Variants in CCDC146 observed in about 807,000 individuals in gnomAD.
CCDC146 encodes the protein coiled-coil domain containing 146.
A neutral mutation model predicts 119.3 loss-of-function variants in CCDC146; 92 were observed. The ratio of observed to expected loss-of-function variants is 0.77; its 90% confidence interval spans 0.65 to 0.92. CCDC146 has a LOEUF of 0.92. Among genes scored for constraint, CCDC146 ranks in the 40% least tolerant of loss-of-function variants. The pLI is 0.00. For missense variants in CCDC146, 1,000 were observed against 1,103.0 expected (o/e 0.91, Z 1.32); for synonymous variants, 372 against 371.8 (o/e 1.00, Z -0.01).
At chr7:77,145,858 T>G (rs1791008973) in intron 1 of CCDC146, among the ~76,000 whole-genome samples, 1 of 152,176 alleles carries the variant, frequency 6.6e-6, no homozygotes, top group Non-Finnish European at 1.5e-5. Context: ...AATTTTGGAA[T>G]AAGTGTGATG....
chr7:77,241,737 A>G lies in CCDC146; in HGVS notation c.286A>G (p.Thr96Ala). The change falls in exon 4 of 19, where the codon ACT becomes GCT. Residue 96 changes from threonine to alanine, a missense_variant. Physicochemically the swap from Thr to Ala is moderately conservative, Grantham distance 58 (BLOSUM62 0). Transcript: ENST00000285871. ...VQLLQNAKRF[T>A]EQIQQQQFHL... ...ACTGCTACAGAATGCCAAACGTTTC[A>G]CTGAGCAAATACAACAGCAGCAGTT... The G allele has an allele frequency of 1.2e-6, 2 of 1,614,018 alleles. No homozygotes were observed. Among genetic ancestry groups the G allele is most frequent in the South Asian group, 2.2e-5 (2 of 91,078 alleles).
At chr7:77,211,867 C>G (rs927062974) in intron 2 of CCDC146, among the ~76,000 whole-genome samples, 1 of 152,100 alleles carries the variant, frequency 6.6e-6, no homozygotes, top group Admixed American at 6.5e-5. Context: ...CGGCCCACCC[C>G]AGCCTCTCAA....
chr7:77,221,139 T>G (rs560226217), intron 2 of CCDC146, among the ~76,000 whole-genome samples: 3 of 152,184 alleles, frequency 2.0e-5, no homozygotes, highest in African/African-American at 7.2e-5. Flanking sequence ...AAGGGGATAG[T>G]GCTATACCAT....
chr7:77,142,822 C>T (rs1433388476), intron 1 of CCDC146, among the ~76,000 whole-genome samples: 6 of 151,752 alleles, frequency 4.0e-5, no homozygotes. Flanking sequence ...CATTGTTGGA[C>T]ATTTGGGTTG....
rs1791864164 is a variant in CCDC146 at position 77,196,129 on chromosome 7, C to T, written c.156+28305C>T. 1.6e-6 allele frequency: 1 copy of T among 611,480 alleles called. No homozygotes were observed. Among genetic ancestry groups the T allele is most frequent in the South Asian group, 2.3e-5 (1 of 43,398 alleles). 37.9% of individuals were successfully genotyped at this position (611,480 alleles called of 1,614,324 possible). A position where few individuals can be genotyped will look rare whatever the true frequency, so the allele number is the denominator to read the frequency against. On this transcript the variant is annotated intron_variant, in intron 2 of 18. Transcript: ENST00000285871. The surrounding 1 kb of genome is among the most constrained non-coding windows in gnomAD (Gnocchi z 4.2). ...TCCTTTAAAATGCATTGTTTTTCAG[C>T]TTTATTTCAAATGCTGTGTAGCATA...
chr7:77,186,495 G>T (rs1791668469), intron 2 of CCDC146, among the ~76,000 whole-genome samples: 1 of 152,014 alleles, frequency 6.6e-6, no homozygotes, highest in Non-Finnish European at 1.5e-5. Flanking sequence ...GGCTGGAAAG[G>T]GTAGTGGGGA....
At chr7:77,292,274 A>G (rs1793958954) in intron 17 of CCDC146, among the ~76,000 whole-genome samples, 4 of 151,288 alleles carry the variant, frequency 2.6e-5, no homozygotes, top group South Asian at 2.1e-4. Flanking sequence ...AGTGTGAGCA[A>G]CAGAACAAGA....
intron 2 of CCDC146, among the ~76,000 whole-genome samples, chr7:77,208,964 G>A (rs911713404): frequency 1.3e-5 from 2 of 152,212 alleles, no homozygotes; most frequent in African/African-American, 4.8e-5. Flanking sequence ...CTCCCAAAGT[G>A]CTGGGATTAC....
chr7:77,278,277 C>A (rs1260122562), intron 11 of CCDC146, among the ~76,000 whole-genome samples: 3 of 152,148 alleles, frequency 2.0e-5, no homozygotes, highest in Admixed American at 1.3e-4. Context: ...CCAAGCCATG[C>A]AGGCTCTTTG....
At chr7:77,197,007 G>A in intron 2 of CCDC146, 1 of 1,431,488 alleles carries the variant, frequency 7.0e-7, no homozygotes, top group Non-Finnish European at 9.7e-7. Flanking sequence ...ATAAAAGGAA[G>A]GCATTGGATC....
chr7:77,260,984 T>C (rs1287821527), intron 8 of CCDC146, among the ~76,000 whole-genome samples: 1 of 152,042 alleles, frequency 6.6e-6, no homozygotes, highest in Non-Finnish European at 1.5e-5. Context: ...TCTCTGCCAG[T>C]CTGTTATTTT....
At position 77,166,944 on chromosome 7, in the gene CCDC146, T is replaced by C. The variant is rs1370206649; in HGVS notation, c.-11-714T>C. Reference sequence around the variant, plus strand: ...TGGGAATTTGGTTTTGAACAAACTTTCCAATAAGGAGTGAATGAATTATTG... The same window carrying C: ...TGGGAATTTGGTTTTGAACAAACTTCCCAATAAGGAGTGAATGAATTATTG... On this transcript the variant is annotated intron_variant, in intron 1 of 18. Transcript: ENST00000285871. Among the ~76,000 whole-genome samples the C allele has an allele frequency of 2.0e-5, 3 of 152,340 alleles. No individual in the cohort carries two copies. In the East Asian group the frequency reaches 5.8e-4, roughly 29 times the overall value.
chr7:77,148,358 T>C (rs1010635166), intron 1 of CCDC146, among the ~76,000 whole-genome samples: 78 of 152,188 alleles, frequency 5.1e-4, no homozygotes, highest in Admixed American at 7.9e-4. Flanking sequence ...TTGTGCTTCC[T>C]GGGTGAGGCG....
At chr7:77,251,510 CT>C (rs1793059855) in intron 4 of CCDC146, among the ~76,000 whole-genome samples, 1 of 152,032 alleles carries the variant, frequency 6.6e-6, no homozygotes, top group South Asian at 2.1e-4. Context: ...TGTTTTTTGC[CT>C]TTCAGTGTGC....
chr7:77,280,422 TTA>T lies in CCDC146; in HGVS notation c.1695-6_1695-5del. 6.2e-7 allele frequency: 1 copy of T among 1,600,916 alleles called. No homozygotes were observed. The highest frequency in any genetic ancestry group is 1.1e-5 in the South Asian group (1 of 87,776). ...TAATCTTACCCATTGTCTTATTACTTTAAAAGAAAGCTACAAAATTCCATGCT... is the reference window on the plus strand; with the variant it reads ...TAATCTTACCCATTGTCTTATTACTTAAAGAAAGCTACAAAATTCCATGCT... On this transcript the variant is annotated splice_region_variant and splice_polypyrimidine_tract_variant and intron_variant, in intron 13 of 18. Transcript: ENST00000285871.
At chr7:77,186,370 A>G (rs905011531) in intron 2 of CCDC146, among the ~76,000 whole-genome samples, 2 of 152,150 alleles carry the variant, frequency 1.3e-5, no homozygotes, top group Non-Finnish European at 2.9e-5. Context: ...TCATTATGTT[A>G]AGTGAAATAA....
rs760243323 is a variant in CCDC146, at chr7:77,262,189, G to T, written c.1055G>T (p.Arg352Leu). The T allele has an allele frequency of 1.2e-6, 2 of 1,613,682 alleles. No homozygotes were observed. The highest frequency in any genetic ancestry group is 1.3e-5 in the African/African-American group (1 of 75,000). ...DKQNYHDELS[R>L]KQREKERDFR... The stretch of plus-strand genomic sequence containing the variant: ...CAGAACTACCATGATGAACTTTCTC[G>T]TAAGCAAAGAGAGAAAGAACGAGAT... Residue 352 changes from arginine (R) to leucine (L), a missense_variant, in exon 9 of 19, where the codon CGT (arginine) becomes CTT (leucine). Physicochemically the swap from Arg to Leu is moderately radical, Grantham distance 102 (BLOSUM62 -2). Coordinates refer to ENST00000285871, the MANE Select transcript of CCDC146 (RefSeq NM_020879.3).
At position 77,207,590 on chromosome 7, in the gene CCDC146, A is replaced by G. The variant is rs1253776005; in HGVS notation, c.157-29357A>G. 5.3e-5 allele frequency among the ~76,000 whole-genome samples: 8 copies of G among 152,332 alleles called. No individual in the cohort carries two copies. In the East Asian group the frequency reaches 1.5e-3, roughly 29 times the overall value. On this transcript the variant is annotated intron_variant, in intron 2 of 18. Transcript: ENST00000285871. Reference sequence around the variant, plus strand: ...ATAGATTTAAAATAAATCATTTATTACTATGATCATCTCAAAAAATAGAAA... The same window carrying G: ...ATAGATTTAAAATAAATCATTTATTGCTATGATCATCTCAAAAAATAGAAA...
At chr7:77,289,731 C>T (rs1793910168) in intron 17 of CCDC146, among the ~76,000 whole-genome samples, 1 of 152,200 alleles carries the variant, frequency 6.6e-6, no homozygotes, top group African/African-American at 2.4e-5. Context: ...AATTTCCCAA[C>T]AGAAATGGGA....
Sources: gnomAD v4.1 joint callset for allele counts (sites outside exome capture counted in the v4.1 genomes callset) on GRCh38, gnomAD v4.1.1 for gene constraint, Gnocchi (gnomAD v3.1) non-coding constraint, MANE v1.5 for transcripts, NCBI Gene and HGNC (gene_info 2026-07-23, HGNC 2026-07-21) for gene names.